Variants in CDC5L observed in about 807,000 individuals in gnomAD.
The protein encoded by CDC5L is cell division cycle 5-like protein.
In CDC5L, 18 loss-of-function variants were observed where a neutral mutation model predicts 104.1. The observed-to-expected ratio is 0.17, with a 90% CI of 0.12 to 0.26. CDC5L has a LOEUF of 0.26. CDC5L is among the 10% of genes least tolerant of loss of function. The pLI is 1.00. For synonymous variants in CDC5L, 331 were observed against 322.7 expected, an observed-to-expected ratio of 1.03 and a Z score of -0.28; for missense variants, 673 against 956.9, an observed-to-expected ratio of 0.70 and a Z score of 3.91.
chr6:44,438,885 C>T (rs1372907751), intron 14 of CDC5L, among the ~76,000 whole-genome samples: 5 of 151,612 alleles, frequency 3.3e-5, no homozygotes, highest in Non-Finnish European at 7.4e-5. Context: ...AATTACATAC[C>T]ATAAAGTTAA....
intron 15 of CDC5L, 86 bp from the exon 16 acceptor site, chr6:44,446,521 C>T (rs1793460091): frequency 5.5e-6 from 3 of 545,124 alleles, no homozygotes; most frequent in Non-Finnish European, 9.5e-6. Flanking sequence ...TGATTTAACT[C>T]AGCTGGTTTT....
rs1419372900 is a variant in CDC5L at position 44,448,564 on chromosome 6, T to TTTA, written c.*1854_*1855insTAT. 2 of 152,222 alleles carry TTTA rather than the reference T, an allele frequency of 1.3e-5. No homozygotes were observed. Among genetic ancestry groups the TTTA allele is most frequent in the African/African-American group, 4.8e-5 (2 of 41,468 alleles). The allele number at this position is 152,222 out of a possible 1,614,324, so 9.4% of individuals were successfully genotyped here. On this transcript the variant is annotated 3_prime_UTR_variant, in exon 16 of 16. Coordinates refer to ENST00000371477, the MANE Select transcript of CDC5L (RefSeq NM_001253.4). ...GTGGAGAGACATGATAGGTATATACTTAATAGTCTTATCAGACGATAAATT... is the reference window on the plus strand; with the variant it reads ...GTGGAGAGACATGATAGGTATATACTTTATAATAGTCTTATCAGACGATAAATT...
Position 44,414,724 on chromosome 6 carries a change from T to A in CDC5L, c.1093-4725T>A, listed in dbSNP as rs1791833869. On this transcript the variant is annotated intron_variant, in intron 8 of 15. Transcript: ENST00000371477. ...AACTTGCAGATGTTTCCTCTCATTT[T>A]GTAGGTTGTGTTTTCACTTTCTTGA... Among the ~76,000 whole-genome samples the A allele has an allele frequency of 2.6e-5, 4 of 152,180 alleles. No homozygotes were observed. The South Asian group carries it at 8.3e-4, about 31-fold the overall frequency.
intron 2 of CDC5L, among the ~76,000 whole-genome samples, chr6:44,391,704 A>C (rs1382203828): frequency 6.6e-6 from 1 of 152,128 alleles, no homozygotes; most frequent in Non-Finnish European, 1.5e-5. Context: ...TGGTTAGGGG[A>C]AAGTATCAGA....
At chr6:44,429,604 A>G in intron 13 of CDC5L, 109 bp from the exon 14 acceptor site, 2 of 877,036 alleles carry the variant, frequency 2.3e-6, no homozygotes, top group South Asian at 1.8e-5. Context: ...AACCAACCAC[A>G]TCTTGGATTT....
At chr6:44,392,436 GA>G (rs1241713675) in intron 2 of CDC5L, among the ~76,000 whole-genome samples, 6 of 152,190 alleles carry the variant, frequency 3.9e-5, no homozygotes, top group Non-Finnish European at 5.9e-5. Flanking sequence ...ATGATTCAGT[GA>G]AGTAACCTTT....
rs1425493466 is a variant in CDC5L at position 44,447,728 on chromosome 6, C to T, written c.*1017C>T. On this transcript the variant is annotated 3_prime_UTR_variant, in exon 16 of 16. Transcript: ENST00000371477. ...AACAACAAACAAAATAGGCCTAGTT[C>T]TTGTTTAGTAGAGCTTATAGTCTTT... The T allele has an allele frequency of 1.3e-5, 2 of 152,116 alleles. No individual in the cohort carries two copies. Among genetic ancestry groups the T allele is most frequent in the African/African-American group, 4.8e-5 (2 of 41,408 alleles). 9.4% of individuals were successfully genotyped at this position (152,116 alleles called of 1,614,324 possible).
intron 9 of CDC5L, among the ~76,000 whole-genome samples, chr6:44,421,343 AG>A: frequency 6.6e-6 from 1 of 152,252 alleles, no homozygotes; most frequent in African/African-American, 2.4e-5. Context: ...ATGTTATGGA[AG>A]CATGTAGTAG....
Position 44,408,495 on chromosome 6 carries a change from A to G in CDC5L, c.955A>G (p.Ile319Val). 1 of 1,614,006 alleles carries G rather than the reference A, an allele frequency of 6.2e-7. No homozygotes were observed. The highest frequency in any genetic ancestry group is 2.2e-5 in the East Asian group (1 of 44,882). ...EVVKVGQASE[I>V]ARQTAEESGI... ...TGTAAAAGTAGGCCAAGCGAGTGAAATTGCACGTCAAACTGCCGAGGAATC... is the reference window on the plus strand; with the variant it reads ...TGTAAAAGTAGGCCAAGCGAGTGAAGTTGCACGTCAAACTGCCGAGGAATC... The change falls in exon 8 of 16, where the codon ATT (isoleucine) becomes GTT (valine). Residue 319 changes from isoleucine (I) to valine (V), a missense_variant. Ile to Val is a conservative substitution (Grantham distance 29, BLOSUM62 3). Transcript: ENST00000371477.
intron 5 of CDC5L, among the ~76,000 whole-genome samples, chr6:44,399,310 GTCTGTAGAT>G (rs999656242): frequency 1.3e-5 from 2 of 152,170 alleles, no homozygotes; most frequent in African/African-American, 4.8e-5. Context: ...AATATGATGT[GTCTGTAGAT>G]TTCTTTTTGT....
intron 2 of CDC5L, among the ~76,000 whole-genome samples, chr6:44,391,748 CTG>C (rs1790632572): frequency 6.6e-6 from 1 of 151,712 alleles, no homozygotes; most frequent in Non-Finnish European, 1.5e-5. Context: ...TGGCTCACAT[CTG>C]TAAGCCTAGC....
chr6:44,387,940 C>CGA (rs560231922), intron 1 of CDC5L, 72 bp downstream of exon 1: 8 of 1,464,586 alleles, frequency 5.5e-6, no homozygotes, highest in East Asian at 5.1e-5. Context: ...GCGCGGAGGT[C>CGA]GGGGGGGCGA....
chr6:44,399,699 G>C (rs1181283905), intron 5 of CDC5L, among the ~76,000 whole-genome samples: 1 of 152,146 alleles, frequency 6.6e-6, no homozygotes, highest in Non-Finnish European at 1.5e-5. Flanking sequence ...CTGTTGCCAG[G>C]CTGGAGTGCA....
chr6:44,426,313 A>G, intron 12 of CDC5L, 130 bp downstream of exon 12: 1 of 775,400 alleles, frequency 1.3e-6, no homozygotes, highest in South Asian at 1.9e-5. Context: ...AGTAGTTCTC[A>G]AATCCAATCT....
chr6:44,415,830 C>T (rs146698406), intron 8 of CDC5L, among the ~76,000 whole-genome samples: 41 of 152,258 alleles, frequency 2.7e-4, no homozygotes, highest in Non-Finnish European at 4.4e-4. Flanking sequence ...TGCTTGGTGA[C>T]AAGAAGTCTC....
At chr6:44,405,318 A>G (rs1482131718) in intron 6 of CDC5L, among the ~76,000 whole-genome samples, 1 of 152,206 alleles carries the variant, frequency 6.6e-6, no homozygotes, top group Admixed American at 6.5e-5. Context: ...GATGTACTCC[A>G]TTGTATTTAT....
At chr6:44,408,788 A>G (rs1432958308) in intron 8 of CDC5L, among the ~76,000 whole-genome samples, 156 bp downstream of exon 8, 1 of 152,228 alleles carries the variant, frequency 6.6e-6, no homozygotes, top group African/African-American at 2.4e-5. Context: ...TCTGTAGTAG[A>G]GAAGCTAAAT....
chr6:44,439,447 C>A (rs1793080916), intron 14 of CDC5L, among the ~76,000 whole-genome samples: 1 of 152,100 alleles, frequency 6.6e-6, no homozygotes, highest in Non-Finnish European at 1.5e-5. Context: ...TTGGGAAGCA[C>A]CGCGAGTCCA....
Position 44,387,774 on chromosome 6 carries a change from A to G in CDC5L, c.-50A>G, listed in dbSNP as rs200142890. On this transcript the variant is annotated 5_prime_UTR_variant, in exon 1 of 16. Coordinates refer to ENST00000371477, the MANE Select transcript of CDC5L (RefSeq NM_001253.4). ...GTCCGGTGGCCCAATCGCTGTTACTACTTCTCTGAAGCTCCTCTCGGCTGC... is the reference window on the plus strand; with the variant it reads ...GTCCGGTGGCCCAATCGCTGTTACTGCTTCTCTGAAGCTCCTCTCGGCTGC... 34 of 1,513,022 alleles carry G rather than the reference A, an allele frequency of 2.2e-5. No individual in the cohort carries two copies. In the East Asian group the frequency reaches 4.2e-4, roughly 19 times the overall value. 93.7% of individuals were successfully genotyped at this position (1,513,022 alleles called of 1,614,324 possible).
Sources: gnomAD v4.1 joint callset for allele counts (sites outside exome capture counted in the v4.1 genomes callset) on GRCh38, gnomAD v4.1.1 for gene constraint, MANE v1.5 for transcripts, NCBI Gene and HGNC (gene_info 2026-07-23, HGNC 2026-07-21) for gene names.